LTBR: variants seen among roughly 807,000 people sequenced by gnomAD.
LTBR encodes the protein lymphotoxin beta receptor, also known as tumor necrosis factor receptor superfamily member 3.
LTBR carries 15 observed loss-of-function variants against 45.4 expected under a neutral mutation model. That is an observed-to-expected ratio of 0.33 (90% CI 0.22 to 0.51). The LOEUF (loss-of-function observed/expected upper bound fraction) is 0.51. Among genes scored for constraint, LTBR ranks in the 20% least tolerant of loss-of-function variants. The probability of loss-of-function intolerance (pLI) is 0.97; values close to 1 mark genes in which losing one functional copy is unlikely to be tolerated. For missense variants in LTBR, 450 were observed against 565.5 expected (o/e 0.80, Z 2.07); for synonymous variants, 228 against 231.0 (o/e 0.99, Z 0.12).
upstream of LTBR, chr12:6,375,374 G>A (rs1334482711): frequency 3.4e-6 from 5 of 1,469,920 alleles, no homozygotes; most frequent in South Asian, 2.7e-5. Context: ...TCCTGATTCT[G>A]TCTCTGCCCC....
In LTBR at chr12:6,388,765, C is replaced by T. The variant is rs748424378; in HGVS notation, c.776-35C>T. 7.4e-6 allele frequency: 12 copies of T among 1,613,576 alleles called. No individual in the cohort carries two copies. Among genetic ancestry groups the T allele is most frequent in the East Asian group, 2.2e-5 (1 of 44,884 alleles). On this transcript the variant is annotated intron_variant, in intron 7 of 9. Coordinates refer to ENST00000228918, the MANE Select transcript of LTBR (RefSeq NM_002342.3). The surrounding 1 kb of genome is among the most constrained non-coding windows in gnomAD (Gnocchi z 4.3). Reference sequence around the variant, plus strand: ...CTGAAAGGCTAGGTCTGAGGCCTGCCGGGGAGCCTACACCCATTTCATTCT... The same window carrying T: ...CTGAAAGGCTAGGTCTGAGGCCTGCTGGGGAGCCTACACCCATTTCATTCT...
chr12:6,377,369 A>C (rs1948929367), intron 1 of LTBR: 1 of 1,009,272 alleles, frequency 9.9e-7, no homozygotes, highest in Non-Finnish European at 1.5e-6. Flanking sequence ...TAGAAAACAA[A>C]ATAGGAGCAG....
chr12:6,381,312 G>T (rs1369647431), upstream of LTBR, among the ~76,000 whole-genome samples: 1 of 152,206 alleles, frequency 6.6e-6, no homozygotes, highest in Non-Finnish European at 1.5e-5. Context: ...GATTATGGAA[G>T]TGGGGAAGGA....
chr12:6,390,955 C>A lies in LTBR; in HGVS notation c.*18C>A. On this transcript the variant is annotated 3_prime_UTR_variant, in exon 10 of 10. Coordinates refer to ENST00000228918, the MANE Select transcript of LTBR (RefSeq NM_002342.3). ...ATGACTGACTGAGTCTGAGAAAAGG[C>A]AGAAGAAGGGGGGCACAAGGGCACC... The A allele has an allele frequency of 6.6e-7, 1 of 1,515,002 alleles. No homozygotes were observed. The highest frequency in any genetic ancestry group is 8.9e-7 in the Non-Finnish European group (1 of 1,128,948). 93.8% of individuals were successfully genotyped at this position (1,515,002 alleles called of 1,614,324 possible).
chr12:6,385,262 A>C lies in LTBR; in HGVS notation c.355A>C (p.Lys119Gln). The C allele has an allele frequency of 6.2e-7, 1 of 1,614,100 alleles. No homozygotes were observed. Among genetic ancestry groups the C allele is most frequent in the Non-Finnish European group, 8.5e-7 (1 of 1,180,024 alleles). ...GLEEIAPCTS[K>Q]RKTQCRCQPG... ...CGAGGAGATTGCCCCCTGCACAAGC[A>C]AACGGAAGACCCAGTGCCGCTGCCA... Residue 119 changes from lysine to glutamine, a missense_variant, in exon 4 of 10, where the codon AAA (lysine) becomes CAA (glutamine). Physicochemically the swap from Lys to Gln is moderately conservative, Grantham distance 53. Around this residue, in one of 3 missense-constraint regions of LTBR, gnomAD observed 367 missense variants for 435.4 expected, o/e 0.84. Coordinates refer to ENST00000228918, the MANE Select transcript of LTBR (RefSeq NM_002342.3).
In LTBR at chr12:6,390,880, C is replaced by A; in HGVS notation, c.1251C>A (p.His417Gln). The change falls in exon 10 of 10, where the codon CAC (histidine) becomes CAA (glutamine). Residue 417 changes from histidine to glutamine, a missense_variant. His to Gln is a conservative substitution (Grantham distance 24). This residue lies in a region of LTBR where 71 missense variants were observed against 90.4 expected (regional missense o/e 0.79). Transcript: ENST00000228918. ...CTTGGCACCTAGCGGAGACAGAGCA[C>A]TGTGGTGCCACACCCTCTAACAGGG... is the stretch of plus-strand genomic sequence containing the variant. ...GKAWHLAETE[H>Q]CGATPSNRGP... The A allele has an allele frequency of 6.2e-7, 1 of 1,604,916 alleles. No individual in the cohort carries two copies. Among genetic ancestry groups the A allele is most frequent in the Non-Finnish European group, 8.5e-7 (1 of 1,175,224 alleles).
Position 6,388,225 on chromosome 12 carries a change from C to A in LTBR, c.668-173C>A. ...CAACTTAGTTCCCCTTCTCTATAAC[C>A]CAAGGGAAGTTTCTCTCATTCTGCC... On this transcript the variant is annotated intron_variant, in intron 6 of 9. Transcript: ENST00000228918. This position sits in a 1 kb window ranked among gnomAD's most constrained non-coding sequence, Gnocchi z 4.3. 2 of 588,642 alleles carry A rather than the reference C, an allele frequency of 3.4e-6. No individual in the cohort carries two copies. Among genetic ancestry groups the A allele is most frequent in the Admixed American group, 5.8e-5 (2 of 34,570 alleles). 36.5% of individuals were successfully genotyped at this position (588,642 alleles called of 1,614,324 possible).
At chr12:6,378,589 T>G (rs965329102) in intron 1 of LTBR, among the ~76,000 whole-genome samples, 1 of 152,162 alleles carries the variant, frequency 6.6e-6, no homozygotes, top group African/African-American at 2.4e-5. Flanking sequence ...TTTTTCCAGC[T>G]GACCTTGCAT....
At chr12:6,376,766 C>T (rs1026100952) in intron 1 of LTBR, among the ~76,000 whole-genome samples, 1 of 152,046 alleles carries the variant, frequency 6.6e-6, no homozygotes, top group South Asian at 2.1e-4. Flanking sequence ...GGAAGGCTGC[C>T]GCTTCCTCAC....
intron 1 of LTBR, among the ~76,000 whole-genome samples, chr12:6,378,998 T>C (rs964329752): frequency 6.6e-6 from 1 of 152,180 alleles, no homozygotes; most frequent in African/African-American, 2.4e-5. Flanking sequence ...CAAAGGGTCT[T>C]CCTGCCTCTT....
chr12:6,375,478 G>A, exon 1 of LTBR: 4 of 1,535,612 alleles, frequency 2.6e-6, no homozygotes, highest in Non-Finnish European at 3.5e-6. Flanking sequence ...AGTTGAATCT[G>A]GCAGCCAAAC....
intron 1 of LTBR, chr12:6,375,745 T>C: frequency 7.1e-7 from 1 of 1,412,892 alleles, no homozygotes; most frequent in East Asian, 2.8e-5. Context: ...GCAAGGAGGC[T>C]GGGGGACAGG....
At chr12:6,390,034 A>T in intron 8 of LTBR, 78 bp from the exon 9 acceptor site, 1 of 854,226 alleles carries the variant, frequency 1.2e-6, no homozygotes. Context: ...GAAAGAGAGA[A>T]AGAAGAGGGA....
chr12:6,383,949 G>A (rs1949008277), upstream of LTBR: 3 of 982,196 alleles, frequency 3.1e-6, no homozygotes, highest in South Asian at 1.4e-4. Flanking sequence ...TCCCTCGGCT[G>A]GGCCAGGGCT....
chr12:6,377,358 T>C lies in LTBR; in HGVS notation c.39+1764T>C, dbSNP rs72645155. ...CCAAGGATAAATCAGTTTTCTGAGG[T>C]TAGAAAACAAAATAGGAGCAGAGCT... is the stretch of plus-strand genomic sequence containing the variant. On this transcript the variant is annotated intron_variant, in intron 1 of 9. Transcript: ENST00000539925. 6,408 of 1,175,254 alleles carry C rather than the reference T, an allele frequency of 5.5e-3. 239 individuals carry two copies. The African/African-American group carries it at 0.087, about 16-fold the overall frequency. 72.8% of individuals were successfully genotyped at this position (1,175,254 alleles called of 1,614,324 possible).
upstream of LTBR, among the ~76,000 whole-genome samples, chr12:6,382,958 A>G (rs1948998786): frequency 6.6e-6 from 1 of 152,170 alleles, no homozygotes; most frequent in Non-Finnish European, 1.5e-5. Flanking sequence ...TCTGCGGTGG[A>G]CTGGCTCTGT....
chr12:6,388,351 T>C lies in LTBR; in HGVS notation c.668-47T>C. ...AGCTCTTCCTTCTCCTCCTCCCCTC[T>C]GCCCTTCTTGGGGCTGTGATCACCC... On this transcript the variant is annotated intron_variant, in intron 6 of 9. Transcript: ENST00000228918. The surrounding 1 kb of genome is among the most constrained non-coding windows in gnomAD (Gnocchi z 4.3). The C allele has an allele frequency of 7.1e-7, 1 of 1,408,742 alleles. No individual in the cohort carries two copies. Among genetic ancestry groups the C allele is most frequent in the African/African-American group, 1.4e-5 (1 of 71,172 alleles). 87.3% of individuals were successfully genotyped at this position (1,408,742 alleles called of 1,614,324 possible). A position where few individuals can be genotyped will look rare whatever the true frequency, so the allele number is the denominator to read the frequency against.
At chr12:6,380,428 C>A (rs1195477372), upstream of LTBR, among the ~76,000 whole-genome samples, 2 of 152,108 alleles carry the variant, frequency 1.3e-5, no homozygotes, top group African/African-American at 4.8e-5. Flanking sequence ...TGCCTGTAAT[C>A]CCAGTACTTT....
Position 6,388,549 on chromosome 12 carries a change from G to A in LTBR, c.775+44G>A, listed in dbSNP as rs778603662. On this transcript the variant is annotated intron_variant, in intron 7 of 9. Transcript: ENST00000228918. This position sits in a 1 kb window ranked among gnomAD's most constrained non-coding sequence, Gnocchi z 4.3. ...CAGTGGATGGTTGGCAATGGGAGCC[G>A]GAGGGAGGAATATTCAACTTCCCCG... 2.7e-5 allele frequency: 42 copies of A among 1,539,498 alleles called. No homozygotes were observed. Among genetic ancestry groups the A allele is most frequent in the Non-Finnish European group, 3.7e-5 (41 of 1,113,314 alleles).
Sources: gnomAD v4.1 joint callset for allele counts (sites outside exome capture counted in the v4.1 genomes callset) on GRCh38, gnomAD v4.1.1 for gene constraint, gnomAD v4.1.1 regional missense constraint, Gnocchi (gnomAD v3.1) non-coding constraint, MANE v1.5 for transcripts, NCBI Gene and HGNC (gene_info 2026-07-23, HGNC 2026-07-21) for gene names.